ERICH6B: variants seen among roughly 807,000 people sequenced by gnomAD.
ERICH6B encodes glutamate rich 6B.
ERICH6B carries 69 observed loss-of-function variants against 80.0 expected under a neutral mutation model. That is an observed-to-expected ratio of 0.86 (90% CI 0.71 to 1.05). The LOEUF (loss-of-function observed/expected upper bound fraction) is 1.05. Ranked by LOEUF, ERICH6B falls within the 50% of genes least tolerant of loss-of-function variation. The pLI is 0.00. For missense variants in ERICH6B, 754 were observed against 796.1 expected (o/e 0.95, Z 0.64); for synonymous variants, 283 against 291.9 (o/e 0.97, Z 0.31).
At chr13:45,566,930 T>C (rs1466221374) in intron 9 of ERICH6B, among the ~76,000 whole-genome samples, 2 of 152,200 alleles carry the variant, frequency 1.3e-5, no homozygotes, top group African/African-American at 4.8e-5. Context: ...CATGAAAGCA[T>C]CTGGGAGGGA....
intron 11 of ERICH6B, among the ~76,000 whole-genome samples, chr13:45,551,827 G>A (rs1486073828): frequency 6.6e-6 from 1 of 152,108 alleles, no homozygotes; most frequent in East Asian, 1.9e-4. Flanking sequence ...CCCTCATTTT[G>A]CTTTTCCACC....
rs1874673856 is a variant in ERICH6B, at chr13:45,561,452, C to T, written c.1324G>A (p.Glu442Lys). 6.4e-7 allele frequency: 1 copy of T among 1,552,192 alleles called. No individual in the cohort carries two copies. Among genetic ancestry groups the T allele is most frequent in the South Asian group, 1.2e-5 (1 of 84,064 alleles). Residue 442 changes from glutamate to lysine, a missense_variant, in exon 11 of 15, where the codon GAA becomes AAA. Physicochemically the swap from Glu to Lys is moderately conservative, Grantham distance 56. Transcript: ENST00000298738. ...ACACGTTGAGGCTTTTGGATTTCTTCTGTCTCAGGCTTCTCAGGTGTTGGT... is the reference window on the plus strand; with the variant it reads ...ACACGTTGAGGCTTTTGGATTTCTTTTGTCTCAGGCTTCTCAGGTGTTGGT... ...SKPTPEKPET[E>K]EIQKPQRVVH...
At chr13:45,600,003 G>A (rs1351881471) in intron 2 of ERICH6B, among the ~76,000 whole-genome samples, 8 of 152,132 alleles carry the variant, frequency 5.3e-5, no homozygotes, top group African/African-American at 1.9e-4. Context: ...GCTTTTTGGA[G>A]GAGGAGAGGT....
rs147422113 is a variant in ERICH6B at position 45,610,857 on chromosome 13, G to GTGTGTGTA, written c.-110-3243_-110-3242insTACACACA. Among the ~76,000 whole-genome samples the GTGTGTGTA allele has an allele frequency of 7.7e-3, 1,139 of 147,022 alleles. 4 individuals carry two copies. The highest frequency in any genetic ancestry group is 9.0e-3 in the Non-Finnish European group (600 of 66,806). On this transcript the variant is annotated intron_variant, in intron 1 of 14. Transcript: ENST00000298738. ...ACTGTGTGTGTGTGTGTGTGTGTGT[G>GTGTGTGTA]TATATATATATTTATATATAATATA...
chr13:45,556,736 C>T (rs566638943), intron 11 of ERICH6B, among the ~76,000 whole-genome samples: 329 of 152,012 alleles, frequency 2.2e-3, no homozygotes, highest in Non-Finnish European at 3.8e-3. Context: ...TAATTCGTTC[C>T]TTTTTATGGC....
At chr13:45,590,419 C>A (rs1876109396) in intron 4 of ERICH6B, among the ~76,000 whole-genome samples, 3 of 152,096 alleles carry the variant, frequency 2.0e-5, no homozygotes, top group South Asian at 4.2e-4. Flanking sequence ...CTGCCCCTTT[C>A]ATCTCTAGTG....
At chr13:45,556,916 T>C (rs559303883) in intron 11 of ERICH6B, among the ~76,000 whole-genome samples, 29 of 152,344 alleles carry the variant, frequency 1.9e-4, no homozygotes, top group East Asian at 1.5e-3. Context: ...AGTATATCCA[T>C]TTTGTATAAT....
intron 11 of ERICH6B, among the ~76,000 whole-genome samples, chr13:45,560,408 C>G (rs900965149): frequency 1.3e-5 from 2 of 152,056 alleles, no homozygotes; most frequent in Non-Finnish European, 2.9e-5. Context: ...ACCATCAACA[C>G]CCCCCCACCT....
In ERICH6B at chr13:45,544,754, C is replaced by A. The variant is rs761424106; in HGVS notation, c.1872+6G>T. The A allele has an allele frequency of 6.3e-5, 97 of 1,551,510 alleles. No homozygotes were observed. The highest frequency in any genetic ancestry group is 7.7e-5 in the Non-Finnish European group (88 of 1,146,882). Reference sequence around the variant, plus strand: ...TGGTGGAGGGTATGGGGAGTTGTGACCTTACCTTGTACCTGGTGCCCAGGT... The same window carrying A: ...TGGTGGAGGGTATGGGGAGTTGTGAACTTACCTTGTACCTGGTGCCCAGGT... On this transcript the variant is annotated splice_donor_region_variant and intron_variant, in intron 14 of 14. Transcript: ENST00000298738.
At chr13:45,587,791 C>A (rs757624897) in intron 4 of ERICH6B, among the ~76,000 whole-genome samples, 5 of 152,188 alleles carry the variant, frequency 3.3e-5, no homozygotes, top group South Asian at 4.1e-4. Context: ...GACACATCAA[C>A]CCACACTATG....
chr13:45,563,945 A>G (rs1164584073), intron 9 of ERICH6B, among the ~76,000 whole-genome samples, 157 bp from the exon 10 acceptor site: 3 of 152,184 alleles, frequency 2.0e-5, no homozygotes, highest in African/African-American at 4.8e-5. Context: ...CTTCGAGTCA[A>G]TGCCCAGGAG....
chr13:45,561,044 C>A (rs1374134718), intron 11 of ERICH6B, among the ~76,000 whole-genome samples: 2 of 152,112 alleles, frequency 1.3e-5, no homozygotes, highest in African/African-American at 4.8e-5. Context: ...TCCCTCCTCA[C>A]CCTCCTAAGC....
chr13:45,597,115 A>G, intron 2 of ERICH6B, 52 bp from the exon 3 acceptor site: 1 of 1,216,514 alleles, frequency 8.2e-7, no homozygotes, highest in Non-Finnish European at 1.1e-6. Flanking sequence ...GCAAATGCAT[A>G]TTGATTTAAT....
At chr13:45,554,500 C>T (rs1874354328) in intron 11 of ERICH6B, among the ~76,000 whole-genome samples, 1 of 152,162 alleles carries the variant, frequency 6.6e-6, no homozygotes, top group African/African-American at 2.4e-5. Context: ...TCAAAAGCCA[C>T]CCAAAAGCCA....
At chr13:45,560,646 T>C (rs1874633112) in intron 11 of ERICH6B, among the ~76,000 whole-genome samples, 1 of 152,246 alleles carries the variant, frequency 6.6e-6, no homozygotes, top group South Asian at 2.1e-4. Flanking sequence ...CCCTAGCAAC[T>C]GCTGATCTTT....
intron 9 of ERICH6B, among the ~76,000 whole-genome samples, chr13:45,565,351 C>T (rs80124277): frequency 0.043 from 6,612 of 152,222 alleles, 207 homozygotes; most frequent in South Asian, 0.13. Flanking sequence ...GGAGAGTCTG[C>T]AACAGACCCA....
At chr13:45,551,087 AATTT>A (rs1463099587) in intron 11 of ERICH6B, among the ~76,000 whole-genome samples, 3 of 152,224 alleles carry the variant, frequency 2.0e-5, no homozygotes, top group African/African-American at 7.2e-5. Flanking sequence ...TAAACATTCA[AATTT>A]ATTGTCATAA....
At chr13:45,585,653 C>T (rs114101843) in intron 5 of ERICH6B, among the ~76,000 whole-genome samples, 4,261 of 152,238 alleles carry the variant, frequency 0.028, 179 homozygotes, top group African/African-American at 0.096. Context: ...ACTCAAGCCA[C>T]CAATGTCACA....
intron 9 of ERICH6B, among the ~76,000 whole-genome samples, chr13:45,566,227 A>C (rs1874907631): frequency 6.6e-6 from 1 of 152,248 alleles, no homozygotes; most frequent in Non-Finnish European, 1.5e-5. Context: ...TTACTAAGGG[A>C]AGCAGAGCAT....
Sources: gnomAD v4.1 joint callset for allele counts (sites outside exome capture counted in the v4.1 genomes callset) on GRCh38, gnomAD v4.1.1 for gene constraint, MANE v1.5 for transcripts, NCBI Gene and HGNC (gene_info 2026-07-23, HGNC 2026-07-21) for gene names.